The following ITPK1 variants were observed in gnomAD, a reference collection of about 807,000 sequenced individuals.
ITPK1 encodes inositol 1,3,4-trisphosphate 5/6-kinase.
ITPK1 carries 21 observed loss-of-function variants against 45.3 expected under a neutral mutation model. The ratio of observed to expected loss-of-function variants is 0.46; its 90% CI spans 0.33 to 0.67. The LOEUF is 0.67. ITPK1 is among the 30% of genes least tolerant of loss of function. ITPK1 has a pLI of 0.02. For missense variants in ITPK1, 474 were observed against 573.5 expected, an observed-to-expected ratio of 0.83 and a Z score of 1.77; for synonymous variants, 258 against 253.6, an observed-to-expected ratio of 1.02 and a Z score of -0.16.
rs1031933397 is a variant in ITPK1, at chr14:92,939,999, G to A, written c.*1562C>T. The A allele has an allele frequency of 3.9e-5, 38 of 985,884 alleles. No homozygotes were observed. The highest frequency in any genetic ancestry group is 1.1e-4 in the East Asian group (1 of 8,814). 61.1% of individuals were successfully genotyped at this position (985,884 alleles called of 1,614,324 possible). ...TTAATCGGGGTTCAAAACTCAAGTC[G>A]TGTAAACGTGGTTAGTTGTTGGGTC... On this transcript the variant is annotated 3_prime_UTR_variant, in exon 11 of 11. Transcript: ENST00000267615.
intron 9 of ITPK1, among the ~76,000 whole-genome samples, chr14:92,951,308 GATCCAACTTTGGA>G (rs957711827): frequency 2.0e-5 from 3 of 152,220 alleles, no homozygotes; most frequent in African/African-American, 7.2e-5. Context: ...ATTCCTGGAA[GATCCAACTTTGGA>G]GTCAGACAGA....
chr14:93,036,737 ACCGCAGGGGAGGATGCAG>A lies in ITPK1; in HGVS notation c.121-19954_121-19937del, dbSNP rs1262855480. ...CGCATTCTCTCCCACTCATCTCAAT[ACCGCAGGGGAGGATGCAG>A]CCCCCAGAACTTGGAAATGCCAAGA... On this transcript the variant is annotated intron_variant, in intron 3 of 10. Transcript: ENST00000267615. This position sits in a 1 kb window ranked among gnomAD's most constrained non-coding sequence, Gnocchi z 4.1. 6.6e-6 allele frequency: 1 copy of A among 152,234 alleles called. No individual in the cohort carries two copies. The highest frequency in any genetic ancestry group is 6.5e-5 in the Admixed American group (1 of 15,270). The allele number at this position is 152,234 out of a possible 1,614,324, so 9.4% of individuals were successfully genotyped here. A position where few individuals can be genotyped will look rare whatever the true frequency, so the allele number is the denominator to read the frequency against.
chr14:93,097,633 C>G lies in ITPK1; in HGVS notation c.95+17436G>C, dbSNP rs553297213. Among the ~76,000 whole-genome samples the G allele has an allele frequency of 2.0e-5, 3 of 152,348 alleles. No homozygotes were observed. The South Asian group carries it at 6.2e-4, about 32-fold the overall frequency. On this transcript the variant is annotated intron_variant, in intron 2 of 10. Coordinates refer to ENST00000267615, the MANE Select transcript of ITPK1 (RefSeq NM_014216.6). Reference sequence around the variant, plus strand: ...AATAACTGATAAAAACTTTTACCTACACGTAACGGAATCAGAAAGGGAAGG... The same window carrying G: ...AATAACTGATAAAAACTTTTACCTAGACGTAACGGAATCAGAAAGGGAAGG...
intron 8 of ITPK1, among the ~76,000 whole-genome samples, chr14:92,954,177 G>A (rs1209617576): frequency 6.6e-6 from 1 of 152,228 alleles, no homozygotes; most frequent in Non-Finnish European, 1.5e-5. Flanking sequence ...ATATAGGCAT[G>A]AGCCACCGCA....
At chr14:92,951,240 T>G (rs1206685197) in intron 9 of ITPK1, among the ~76,000 whole-genome samples, 2 of 152,232 alleles carry the variant, frequency 1.3e-5, no homozygotes, top group Admixed American at 6.5e-5. Context: ...AGGGTAGCCT[T>G]TCCTAAATTC....
At chr14:92,967,787 G>A (rs2139754335) in intron 5 of ITPK1, among the ~76,000 whole-genome samples, 1 of 152,330 alleles carries the variant, frequency 6.6e-6, no homozygotes, top group East Asian at 1.9e-4. Context: ...ACTGGGCTAA[G>A]TGGAAGAAGC....
chr14:93,113,242 C>A lies in ITPK1; in HGVS notation c.95+1827G>T, dbSNP rs568125040. 3.3e-5 allele frequency among the ~76,000 whole-genome samples: 5 copies of A among 152,276 alleles called. No homozygotes were observed. In the East Asian group the frequency reaches 9.6e-4, roughly 29 times the overall value. ...GAAAGTAATGCTCTACTCCCCAGAA[C>A]GTTGATAGCATAGCTTGCTCTGAAC... On this transcript the variant is annotated intron_variant, in intron 2 of 10. Coordinates refer to ENST00000267615, the MANE Select transcript of ITPK1 (RefSeq NM_014216.6).
chr14:93,001,017 C>T (rs866916709), intron 4 of ITPK1, among the ~76,000 whole-genome samples: 4 of 149,348 alleles, frequency 2.7e-5, no homozygotes, highest in East Asian at 2.0e-4. Context: ...CGGTGGCTCA[C>T]GCCTGTAATC....
At chr14:93,101,115 C>T (rs764229410) in intron 2 of ITPK1, among the ~76,000 whole-genome samples, 1 of 152,194 alleles carries the variant, frequency 6.6e-6, no homozygotes, top group Non-Finnish European at 1.5e-5. Flanking sequence ...ATGGGGTCCA[C>T]CAATCATGGC....
rs545502702 is a variant in ITPK1, at chr14:92,969,850, C to T, written c.365-7001G>A. On this transcript the variant is annotated intron_variant, in intron 5 of 10. Transcript: ENST00000267615. ...ATGGTGGGTTGTGTTCTTTTGAGAG[C>T]GAATATCAGCCCCTGGGAAACGGAA... Among the ~76,000 whole-genome samples the T allele has an allele frequency of 2.0e-5, 3 of 152,198 alleles. No individual in the cohort carries two copies. The South Asian group carries it at 6.2e-4, about 32-fold the overall frequency.
At chr14:92,948,413 G>A (rs1212510504) in intron 9 of ITPK1, among the ~76,000 whole-genome samples, 1 of 152,192 alleles carries the variant, frequency 6.6e-6, no homozygotes, top group Non-Finnish European at 1.5e-5. Flanking sequence ...GAGTGTAGTG[G>A]TGCAATCACG....
At chr14:93,035,093 C>G (rs1889260932) in intron 3 of ITPK1, among the ~76,000 whole-genome samples, 1 of 152,244 alleles carries the variant, frequency 6.6e-6, no homozygotes, top group South Asian at 2.1e-4. Flanking sequence ...CCCACCACCC[C>G]CTCTGAAACA....
rs187873602 is a variant in ITPK1 at position 93,011,016 on chromosome 14, G to A, written c.246+5660C>T. ...CACCATGCCAGGCACTAGGGGAATC[G>A]CAAATTTTAATTAGTTTAATGCTAA... is the stretch of plus-strand genomic sequence containing the variant. On this transcript the variant is annotated intron_variant, in intron 4 of 10. Transcript: ENST00000267615. Among the ~76,000 whole-genome samples, 280 of 152,340 alleles carry A rather than the reference G, an allele frequency of 1.8e-3. 1 individual carries two copies. The highest frequency in any genetic ancestry group is 3.1e-3 in the Non-Finnish European group (210 of 68,034).
intron 4 of ITPK1, among the ~76,000 whole-genome samples, chr14:93,006,034 G>A (rs1887596805): frequency 6.6e-6 from 1 of 152,234 alleles, no homozygotes; most frequent in Admixed American, 6.5e-5. Flanking sequence ...CACTGGAACT[G>A]ATGGCTGCCC....
At chr14:93,110,236 G>A (rs540522653) in intron 2 of ITPK1, among the ~76,000 whole-genome samples, 1 of 152,274 alleles carries the variant, frequency 6.6e-6, no homozygotes, top group African/African-American at 2.4e-5. Flanking sequence ...CTGGTAGAAA[G>A]TGTTCATTTG....
At position 93,032,384 on chromosome 14, in the gene ITPK1, A is replaced by T. The variant is rs75316393; in HGVS notation, c.121-15583T>A. Among the ~76,000 whole-genome samples the T allele has an allele frequency of 0.028, 4,161 of 149,788 alleles. 98 individuals carry two copies. The highest frequency in any genetic ancestry group is 0.087 in the Admixed American group (1,301 of 14,946). ...TAATAATAATAATAAAGCATTAACA[A>T]CCTTTTAAACATCACATGAAAAGGG... is the stretch of plus-strand genomic sequence containing the variant. On this transcript the variant is annotated intron_variant, in intron 3 of 10. Transcript: ENST00000267615. The surrounding 1 kb of genome is among the most constrained non-coding windows in gnomAD (Gnocchi z 4.0).
At chr14:93,045,051 CTT>C (rs1178321754) in intron 3 of ITPK1, among the ~76,000 whole-genome samples, 1 of 152,230 alleles carries the variant, frequency 6.6e-6, no homozygotes, top group Non-Finnish European at 1.5e-5. Context: ...AGATCCCTGA[CTT>C]TGCAGCCCAG....
intron 3 of ITPK1, chr14:93,068,038 T>C (rs914337386): frequency 6.5e-6 from 1 of 152,764 alleles, no homozygotes; most frequent in Non-Finnish European, 1.5e-5. Flanking sequence ...TTCTCCACAC[T>C]GAAACAATGT....
chr14:92,974,471 C>T (rs1004913530), intron 5 of ITPK1, among the ~76,000 whole-genome samples: 2 of 152,174 alleles, frequency 1.3e-5, no homozygotes, highest in African/African-American at 4.8e-5. Context: ...AGCAGTGGAC[C>T]CTCAGCCTCG....
Sources: gnomAD v4.1 joint callset for allele counts (sites outside exome capture counted in the v4.1 genomes callset) on GRCh38, gnomAD v4.1.1 for gene constraint, Gnocchi (gnomAD v3.1) non-coding constraint, MANE v1.5 for transcripts, NCBI Gene and HGNC (gene_info 2026-07-23, HGNC 2026-07-21) for gene names.